Variants in ITGAL observed in about 807,000 individuals in gnomAD.
ITGAL encodes integrin alpha-L.
ITGAL carries 68 observed loss-of-function variants against 138.4 expected under a neutral mutation model. The observed-to-expected ratio is 0.49, with a 90% CI of 0.40 to 0.60. The LOEUF is 0.60. ITGAL is among the 20% of genes least tolerant of loss of function. The pLI is 0.00. For synonymous variants in ITGAL, 561 were observed against 584.3 expected, an observed-to-expected ratio of 0.96 and a Z score of 0.57; for missense variants, 1,256 against 1,478.6, an observed-to-expected ratio of 0.85 and a Z score of 2.47.
intron 13 of ITGAL, among the ~76,000 whole-genome samples, chr16:30,495,808 C>G (rs530682571): frequency 5.3e-5 from 8 of 152,084 alleles, no homozygotes; most frequent in Admixed American, 3.3e-4. Flanking sequence ...GCGATTGCAC[C>G]ACTGCACTCC....
chr16:30,510,592 T>C, intron 22 of ITGAL, 121 bp downstream of exon 22: 1 of 668,480 alleles, frequency 1.5e-6, no homozygotes. Context: ...ACCTTGCCCC[T>C]ACCTAAGAGA....
intron 24 of ITGAL, among the ~76,000 whole-genome samples, chr16:30,513,033 A>G (rs1490229394): frequency 6.6e-6 from 1 of 152,244 alleles, no homozygotes; most frequent in Non-Finnish European, 1.5e-5. Context: ...GCCACACAGT[A>G]TGATACTGAC....
At chr16:30,476,777 C>T (rs1385976388) in intron 4 of ITGAL, among the ~76,000 whole-genome samples, 2 of 151,910 alleles carry the variant, frequency 1.3e-5, no homozygotes, top group Non-Finnish European at 2.9e-5. Context: ...GGATTACAGG[C>T]GTGTGCCACC....
rs1316173646 is a variant in ITGAL at position 30,494,300 on chromosome 16, G to T, written c.1302G>T (p.Leu434=). ...GATACCAGCACATGGGCCGAGTGCTGCTGTTCCAAGAGCCACAGGGCGGAG... is the reference window on the plus strand; with the variant it reads ...GATACCAGCACATGGGCCGAGTGCTTCTGTTCCAAGAGCCACAGGGCGGAG... ...APRYQHMGRV[L]LFQEPQGGGH... Residue 434 remains leucine (L), a synonymous_variant, in exon 12 of 31, where the codon CTG becomes CTT. Transcript: ENST00000356798. The surrounding 1 kb of genome is among the most constrained non-coding windows in gnomAD (Gnocchi z 4.2). 1.9e-6 allele frequency: 3 copies of T among 1,613,600 alleles called. No homozygotes were observed. Among genetic ancestry groups the T allele is most frequent in the Non-Finnish European group, 2.5e-6 (3 of 1,179,686 alleles).
intron 22 of ITGAL, 82 bp downstream of exon 22, chr16:30,510,553 A>C: frequency 1.2e-6 from 1 of 823,326 alleles, no homozygotes; most frequent in Non-Finnish European, 2.1e-6. Flanking sequence ...GCTCAGGAGA[A>C]GGGAGCAGGT....
chr16:30,513,392 T>A (rs1164412724), intron 24 of ITGAL, among the ~76,000 whole-genome samples: 1 of 152,060 alleles, frequency 6.6e-6, no homozygotes, highest in Non-Finnish European at 1.5e-5. Context: ...TAGAGAGTGA[T>A]GTTGGGAAGG....
chr16:30,504,387 G>A, intron 18 of ITGAL, 123 bp downstream of exon 18: 1 of 732,018 alleles, frequency 1.4e-6, no homozygotes, highest in Non-Finnish European at 2.4e-6. Flanking sequence ...TGAAGTGGGT[G>A]GATCACTTAA....
At chr16:30,486,950 C>T (rs2050655787) in intron 9 of ITGAL, among the ~76,000 whole-genome samples, 1 of 151,394 alleles carries the variant, frequency 6.6e-6, no homozygotes, top group African/African-American at 2.4e-5. Flanking sequence ...TACACACCAC[C>T]ACACCTGGCT....
intron 6 of ITGAL, 38 bp downstream of exon 6, chr16:30,479,499 A>T: frequency 6.3e-7 from 1 of 1,597,968 alleles, no homozygotes; most frequent in Non-Finnish European, 8.6e-7. Flanking sequence ...TGCATGCAAT[A>T]GATGCCTACC....
chr16:30,499,844 G>A (rs2050867595), intron 17 of ITGAL, among the ~76,000 whole-genome samples: 1 of 146,130 alleles, frequency 6.8e-6, no homozygotes, highest in Admixed American at 6.9e-5. Context: ...CACCTCCTGG[G>A]TTCAAGCAAT....
At chr16:30,512,727 G>A (rs1375891916) in intron 24 of ITGAL, among the ~76,000 whole-genome samples, 1 of 152,060 alleles carries the variant, frequency 6.6e-6, no homozygotes, top group African/African-American at 2.4e-5. Flanking sequence ...AAGAGACAGA[G>A]TCTCGCTCTG....
rs762045861 is a variant in ITGAL, at chr16:30,511,060, G to A, written c.2710G>A (p.Asp904Asn). ...LHANVTCNNE[D>N]SDLLEDNSAT... is the part of the protein sequence containing the mutation. ...CTTGCCCCAATGCAGTAACAATGAG[G>A]ACTCAGACCTCCTGGAGGACAACTC... Residue 904 changes from aspartate to asparagine, a missense_variant, in exon 24 of 31, where the codon GAC becomes AAC. By Grantham distance (23) the Asp-to-Asn change is conservative. Around this residue, in one of 3 missense-constraint regions of ITGAL, gnomAD observed 867 missense variants for 972.5 expected, o/e 0.89. Coordinates refer to ENST00000356798, the MANE Select transcript of ITGAL (RefSeq NM_002209.3). 1 of 1,613,716 alleles carries A rather than the reference G, an allele frequency of 6.2e-7. No individual in the cohort carries two copies. The highest frequency in any genetic ancestry group is 8.5e-7 in the Non-Finnish European group (1 of 1,179,870).
rs370738082 is a variant in ITGAL at position 30,521,548 on chromosome 16, G to A, written c.3396G>A (p.Pro1132=). Residue 1132 remains proline (P), a synonymous_variant, in exon 31 of 31, where the codon CCG becomes CCA. Coordinates refer to ENST00000356798, the MANE Select transcript of ITGAL (RefSeq NM_002209.3). ...KEKMEAGRGV[P]NGIPAEDSEQ... is the part of the protein sequence containing the mutation. ...AGATGGAGGCTGGCAGAGGTGTCCC[G>A]AATGGAATCCCTGCAGAAGACTCTG... 30 of 1,614,064 alleles carry A rather than the reference G, an allele frequency of 1.9e-5. No individual in the cohort carries two copies. Among genetic ancestry groups the A allele is most frequent in the Admixed American group, 6.7e-5 (4 of 59,992 alleles).
At chr16:30,517,739 G>A (rs1310306678) in intron 27 of ITGAL, 34 bp downstream of exon 27, 2 of 1,612,998 alleles carry the variant, frequency 1.2e-6, no homozygotes, top group African/African-American at 2.7e-5. Context: ...CGGTGGGGCT[G>A]GGCGGTACAC....
Position 30,505,461 on chromosome 16 carries a change from A to C in ITGAL, c.2365A>C (p.Arg789=), listed in dbSNP as rs778489575. ...ANLRVSFSPA[R]SRALRLTAFA... ...CTTGAGAGTGTCCTTCTCTCCTGCA[A>C]GGTCAGTAAGGCCTCCCACCCTCCA... The change falls in exon 20 of 31, where the codon AGA becomes CGA. Residue 789 remains arginine (R), a splice_region_variant and synonymous_variant. Transcript: ENST00000356798. 6.2e-7 allele frequency: 1 copy of C among 1,612,446 alleles called. No individual in the cohort carries two copies. The highest frequency in any genetic ancestry group is 1.3e-5 in the African/African-American group (1 of 74,878).
intron 17 of ITGAL, among the ~76,000 whole-genome samples, chr16:30,502,957 G>A (rs988154253): frequency 6.6e-6 from 1 of 151,800 alleles, no homozygotes; most frequent in African/African-American, 2.4e-5. Flanking sequence ...TGGGATTACA[G>A]GTGAACACCA....
Position 30,511,647 on chromosome 16 carries a change from T to C in ITGAL, c.2786+511T>C, listed in dbSNP as rs544875911. 3.9e-5 allele frequency among the ~76,000 whole-genome samples: 6 copies of C among 152,304 alleles called. No homozygotes were observed. In the East Asian group the frequency reaches 1.2e-3, roughly 29 times the overall value. On this transcript the variant is annotated intron_variant, in intron 24 of 30. Coordinates refer to ENST00000356798, the MANE Select transcript of ITGAL (RefSeq NM_002209.3). Reference sequence around the variant, plus strand: ...TCTCTCCCCTCCTGGGGGCCGATAATGCCAGGAGAGATAGGAGAAAAGTTA... The same window carrying C: ...TCTCTCCCCTCCTGGGGGCCGATAACGCCAGGAGAGATAGGAGAAAAGTTA...
At chr16:30,513,620 C>G (rs2051122419) in intron 24 of ITGAL, 151 bp from the exon 25 acceptor site, 3 of 635,362 alleles carry the variant, frequency 4.7e-6, no homozygotes, top group Non-Finnish European at 8.4e-6. Flanking sequence ...TGTCCAGGAG[C>G]CTTAGTTTCT....
At position 30,489,340 on chromosome 16, in the gene ITGAL, T is replaced by G; in HGVS notation, c.1167T>G (p.Phe389Leu). The G allele has an allele frequency of 6.2e-7, 1 of 1,614,134 alleles. No homozygotes were observed. The highest frequency in any genetic ancestry group is 8.5e-7 in the Non-Finnish European group (1 of 1,179,984). ...AGGCAGACCTGCAGGATGACACATT[T>G]ATTGGGAATGAACCATTGACACCAG... ...DLKADLQDDT[F>L]IGNEPLTPEV... The change falls in exon 11 of 31, where the codon TTT becomes TTG. Residue 389 changes from phenylalanine (F) to leucine (L), a missense_variant. Phe to Leu is a conservative substitution (Grantham distance 22, BLOSUM62 0). Around this residue, in one of 3 missense-constraint regions of ITGAL, gnomAD observed 177 missense variants for 288.8 expected, o/e 0.61. Transcript: ENST00000356798.
Sources: gnomAD v4.1 joint callset for allele counts (sites outside exome capture counted in the v4.1 genomes callset) on GRCh38, gnomAD v4.1.1 for gene constraint, gnomAD v4.1.1 regional missense constraint, Gnocchi (gnomAD v3.1) non-coding constraint, MANE v1.5 for transcripts, NCBI Gene and HGNC (gene_info 2026-07-23, HGNC 2026-07-21) for gene names.